LEMD1: variants seen among roughly 807,000 people sequenced by gnomAD.
LEMD1 encodes the protein LEM domain containing 1.
LEMD1 carries 18 observed loss-of-function variants against 17.4 expected under a neutral mutation model. The observed-to-expected ratio is 1.04, with a 90% CI of 0.72 to 1.54. The LOEUF is 1.54. Among genes scored for constraint, LEMD1 ranks in the 40% most tolerant of loss-of-function variants. The probability of loss-of-function intolerance (pLI) is 0.00; values close to 1 mark genes in which losing one functional copy is unlikely to be tolerated. For synonymous variants in LEMD1, 88 were observed against 77.8 expected (o/e 1.13, Z -0.69); for missense variants, 195 against 210.4 (o/e 0.93, Z 0.45).
At chr1:205,400,957 TG>T (rs1664821379) in intron 4 of LEMD1, among the ~76,000 whole-genome samples, 1 of 151,356 alleles carries the variant, frequency 6.6e-6, no homozygotes, top group Non-Finnish European at 1.5e-5. Flanking sequence ...TTTGGTTTTT[TG>T]TCCTTGCGAT....
At chr1:205,398,659 AAAT>A (rs1258303815) in intron 4 of LEMD1, among the ~76,000 whole-genome samples, 1 of 152,164 alleles carries the variant, frequency 6.6e-6, no homozygotes, top group Non-Finnish European at 1.5e-5. Flanking sequence ...GGAGGCCAAG[AAAT>A]GGAGTGGTGA....
intron 1 of LEMD1, among the ~76,000 whole-genome samples, chr1:205,440,339 C>T (rs911907465): frequency 6.6e-6 from 1 of 152,218 alleles, no homozygotes; most frequent in African/African-American, 2.4e-5. Flanking sequence ...CTCTGCCTTC[C>T]TCCTCACTGG....
intron 4 of LEMD1, chr1:205,385,293 G>A (rs1663942940): frequency 6.6e-6 from 1 of 152,134 alleles, no homozygotes; most frequent in African/African-American, 2.4e-5. Context: ...TGCCTCCTGG[G>A]TTCAAGTAAT....
intron 4 of LEMD1, among the ~76,000 whole-genome samples, chr1:205,394,361 T>C (rs577009232): frequency 7.8e-6 from 1 of 128,764 alleles, no homozygotes; most frequent in East Asian, 2.1e-4. Context: ...CTGTATTATT[T>C]GTTTATTTAA....
upstream of LEMD1, among the ~76,000 whole-genome samples, chr1:205,425,498 G>C (rs763944494): frequency 2.6e-5 from 4 of 152,096 alleles, no homozygotes; most frequent in Non-Finnish European, 4.4e-5. Context: ...GGTCTAGCTC[G>C]TTGAGAGGTG....
chr1:205,442,262 T>C (rs1007085568), intron 1 of LEMD1, among the ~76,000 whole-genome samples: 2 of 152,118 alleles, frequency 1.3e-5, no homozygotes, highest in African/African-American at 4.8e-5. Flanking sequence ...CACAGGGCTA[T>C]GCGGAAGGGG....
chr1:205,408,020 G>C (rs932936576), intron 4 of LEMD1, among the ~76,000 whole-genome samples: 5 of 152,122 alleles, frequency 3.3e-5, no homozygotes, highest in Admixed American at 1.3e-4. Flanking sequence ...GGAATGACAG[G>C]GAAAGACTGA....
At chr1:205,392,124 A>C (rs576668622) in intron 4 of LEMD1, among the ~76,000 whole-genome samples, 1 of 151,914 alleles carries the variant, frequency 6.6e-6, no homozygotes, top group Non-Finnish European at 1.5e-5. Flanking sequence ...AAAAACAAAA[A>C]ACAAAAACCA....
chr1:205,435,124 G>A (rs939187149), intron 1 of LEMD1: 6 of 152,228 alleles, frequency 3.9e-5, no homozygotes, highest in Non-Finnish European at 8.8e-5. Flanking sequence ...GCATGATATA[G>A]ATTGCTACTT....
At chr1:205,433,667 G>A (rs189641312) in intron 1 of LEMD1, among the ~76,000 whole-genome samples, 31 of 152,304 alleles carry the variant, frequency 2.0e-4, no homozygotes, top group Non-Finnish European at 3.4e-4. Flanking sequence ...AGAGGGACTG[G>A]GGCAGGCATC....
Position 205,441,466 on chromosome 1 carries a change from G to A in LEMD1, c.-39+8402C>T, listed in dbSNP as rs1053604132. Among the ~76,000 whole-genome samples, 2 of 152,118 alleles carry A rather than the reference G, an allele frequency of 1.3e-5. No homozygotes were observed. The highest frequency in any genetic ancestry group is 4.8e-5 in the African/African-American group (2 of 41,434). On this transcript the variant is annotated intron_variant, in intron 1 of 3. Transcript: ENST00000367154. This position sits in a 1 kb window ranked among gnomAD's most constrained non-coding sequence, Gnocchi z 4.3. Reference sequence around the variant, plus strand: ...TGCCACCTTACACCAGGTTCTAGCTGGGGGCTTCCACTCGCTTCTGCAGGT... The same window carrying A: ...TGCCACCTTACACCAGGTTCTAGCTAGGGGCTTCCACTCGCTTCTGCAGGT...
At chr1:205,444,045 G>A (rs1017440488) in intron 1 of LEMD1, among the ~76,000 whole-genome samples, 8 of 152,048 alleles carry the variant, frequency 5.3e-5, no homozygotes, top group Non-Finnish European at 5.9e-5. Flanking sequence ...CCCTTGCTGC[G>A]TCTATTTGAG....
At chr1:205,408,394 A>G (rs1665224081) in intron 4 of LEMD1, among the ~76,000 whole-genome samples, 1 of 152,160 alleles carries the variant, frequency 6.6e-6, no homozygotes, top group Admixed American at 6.5e-5. Context: ...ACTGGAGTGG[A>G]AGGAATGTGG....
At chr1:205,389,254 G>A (rs1173817197) in intron 4 of LEMD1, among the ~76,000 whole-genome samples, 1 of 151,754 alleles carries the variant, frequency 6.6e-6, no homozygotes, top group Admixed American at 6.6e-5. Context: ...TCACTATGTT[G>A]GCCAGGCTGG....
chr1:205,384,450 C>G, intron 4 of LEMD1, 86 bp from the exon 5 acceptor site: 1 of 804,338 alleles, frequency 1.2e-6, no homozygotes, highest in Non-Finnish European at 1.8e-6. Context: ...GAAAAAGTCA[C>G]ATAATATGCC....
intron 4 of LEMD1, among the ~76,000 whole-genome samples, chr1:205,406,185 C>T (rs1246196467): frequency 2.0e-5 from 3 of 152,216 alleles, no homozygotes; most frequent in Non-Finnish European, 2.9e-5. Flanking sequence ...GCAGTCTGCC[C>T]ATTCTCAGAT....
At chr1:205,406,768 T>G (rs562998492) in intron 4 of LEMD1, among the ~76,000 whole-genome samples, 4 of 152,246 alleles carry the variant, frequency 2.6e-5, no homozygotes, top group African/African-American at 9.6e-5. Context: ...GTACCTCAGA[T>G]GGAAATGCCG....
At chr1:205,410,470 A>G (rs939679139) in intron 4 of LEMD1, among the ~76,000 whole-genome samples, 3 of 152,192 alleles carry the variant, frequency 2.0e-5, no homozygotes, top group South Asian at 2.1e-4. Flanking sequence ...GACTACATCA[A>G]GGTACATCTA....
In LEMD1 at chr1:205,409,547, T is replaced by C. The variant is rs557329487; in HGVS notation, c.270+6685A>G. ...AACTAAGACATAGAGAGGTTGAGTG[T>C]CTTGTCCAAGTTAGTAGTAGAGCTG... On this transcript the variant is annotated intron_variant, in intron 4 of 5. Coordinates refer to ENST00000367153, the MANE Select transcript of LEMD1 (RefSeq NM_001199050.2). Among the ~76,000 whole-genome samples, 188 of 152,228 alleles carry C rather than the reference T, an allele frequency of 1.2e-3. 1 individual carries two copies. The highest frequency in any genetic ancestry group is 4.0e-3 in the African/African-American group (168 of 41,532).
Sources: gnomAD v4.1 joint callset for allele counts (sites outside exome capture counted in the v4.1 genomes callset) on GRCh38, gnomAD v4.1.1 for gene constraint, Gnocchi (gnomAD v3.1) non-coding constraint, MANE v1.5 for transcripts, NCBI Gene and HGNC (gene_info 2026-07-23, HGNC 2026-07-21) for gene names.